LILRA2: variants seen among roughly 807,000 people sequenced by gnomAD.
The protein encoded by LILRA2 is leukocyte immunoglobulin like receptor A2.
LILRA2 carries 45 observed loss-of-function variants against 47.9 expected under a neutral mutation model. The observed-to-expected ratio is 0.94, with a 90% CI of 0.74 to 1.20. The LOEUF is 1.20. Among genes scored for constraint, LILRA2 ranks in the 50% most tolerant of loss-of-function variants. LILRA2 has a pLI of 0.00. For missense variants in LILRA2, 651 were observed against 598.2 expected, an observed-to-expected ratio of 1.09 and a Z score of -0.92; for synonymous variants, 279 against 249.2, an observed-to-expected ratio of 1.12 and a Z score of -1.13.
chr19:54,587,389 A>G lies in LILRA2; in HGVS notation c.*43A>G. 2 of 1,613,222 alleles carry G rather than the reference A, an allele frequency of 1.2e-6. No individual in the cohort carries two copies. Among genetic ancestry groups the G allele is most frequent in the South Asian group, 2.2e-5 (2 of 90,956 alleles). Reference sequence around the variant, plus strand: ...GCATCCTTCAGCGTGGTGGAGCCTCAGGGACAGATCTGATGATCCCAGGAG... The same window carrying G: ...GCATCCTTCAGCGTGGTGGAGCCTCGGGGACAGATCTGATGATCCCAGGAG... On this transcript the variant is annotated 3_prime_UTR_variant, in exon 8 of 8. Transcript: ENST00000391738.
At chr19:54,582,487 T>C (rs578234159) in intron 6 of LILRA2, among the ~76,000 whole-genome samples, 3 of 152,326 alleles carry the variant, frequency 2.0e-5, no homozygotes, top group African/African-American at 7.2e-5. Context: ...TTCAACTTCT[T>C]TCTGGTTTAG....
At chr19:54,577,616 T>C in intron 6 of LILRA2, 70 of 1,289,672 alleles carry the variant, frequency 5.4e-5, no homozygotes, top group Non-Finnish European at 7.1e-5. Context: ...GCACCCCAGC[T>C]GTGGGTGCCG....
chr19:54,573,957 T>C (rs1487127231), intron 1 of LILRA2, 45 bp downstream of exon 1: 2 of 1,613,160 alleles, frequency 1.2e-6, no homozygotes, highest in South Asian at 2.2e-5. Flanking sequence ...AGGAGGGACC[T>C]CACCCCACAG....
chr19:54,573,224 T>C (rs2062197300), upstream of LILRA2: 1 of 463,378 alleles, frequency 2.2e-6, no homozygotes, highest in Non-Finnish European at 4.0e-6. Flanking sequence ...GCCTCTAGCC[T>C]TCACCCACCT....
intron 6 of LILRA2, among the ~76,000 whole-genome samples, chr19:54,582,173 T>G (rs2062659965): frequency 6.6e-6 from 1 of 152,224 alleles, no homozygotes; most frequent in African/African-American, 2.4e-5. Context: ...TGGATTTGGT[T>G]TGCCAGTATT....
chr19:54,579,315 C>G (rs2062572886), intron 6 of LILRA2, among the ~76,000 whole-genome samples: 3 of 152,180 alleles, frequency 2.0e-5, no homozygotes, highest in Admixed American at 6.5e-5. Flanking sequence ...CCAGTTTCAG[C>G]TTTCTACATG....
At chr19:54,584,154 T>C (rs559605305) in intron 6 of LILRA2, among the ~76,000 whole-genome samples, 7 of 152,358 alleles carry the variant, frequency 4.6e-5, no homozygotes, top group African/African-American at 1.7e-4. Flanking sequence ...GTTAGTCTGA[T>C]GGGCTTTTCT....
At chr19:54,578,891 G>A (rs2062557823) in intron 6 of LILRA2, among the ~76,000 whole-genome samples, 1 of 151,924 alleles carries the variant, frequency 6.6e-6, no homozygotes, top group Admixed American at 6.6e-5. Flanking sequence ...AAGCATTTTT[G>A]CATATGTCTG....
chr19:54,574,666 C>G, intron 3 of LILRA2, 65 bp from the exon 4 acceptor site: 1 of 1,600,662 alleles, frequency 6.2e-7, no homozygotes, highest in East Asian at 2.2e-5. Context: ...GCTCTCACAG[C>G]TCAACCCTGG....
chr19:54,578,108 A>G (rs2062529531), intron 6 of LILRA2, among the ~76,000 whole-genome samples: 1 of 149,808 alleles, frequency 6.7e-6, no homozygotes, highest in Non-Finnish European at 1.5e-5. Context: ...TAAGTGAGGT[A>G]TTTGATTTCT....
In LILRA2 at chr19:54,575,935, G is replaced by T; in HGVS notation, c.1081G>T (p.Gly361Cys). Reference protein sequence around the residue: ...HTFLLTKEGAGHPPLHLRSEH... With the variant: ...HTFLLTKEGACHPPLHLRSEH... Reference sequence around the variant, plus strand: ...TTTCCTTCTGACCAAGGAGGGGGCAGGCCATCCCCCACTGCATCTGAGATC... The same window carrying T: ...TTTCCTTCTGACCAAGGAGGGGGCATGCCATCCCCCACTGCATCTGAGATC... The change falls in exon 6 of 8, where the codon GGC (glycine) becomes TGC (cysteine). Residue 361 changes from glycine to cysteine, a missense_variant. Coordinates refer to ENST00000391738, the MANE Select transcript of LILRA2 (RefSeq NM_001130917.3). The T allele has an allele frequency of 6.2e-7, 1 of 1,612,198 alleles. No homozygotes were observed. The highest frequency in any genetic ancestry group is 8.5e-7 in the Non-Finnish European group (1 of 1,179,174).
chr19:54,583,635 T>A (rs192604380), intron 6 of LILRA2, among the ~76,000 whole-genome samples: 13 of 152,200 alleles, frequency 8.5e-5, no homozygotes, highest in African/African-American at 3.1e-4. Flanking sequence ...TAGATCTTCC[T>A]CCATACCTTT....
chr19:54,574,648 G>T (rs1416310768), intron 3 of LILRA2, 66 bp downstream of exon 3: 2 of 1,601,014 alleles, frequency 1.2e-6, no homozygotes, highest in Non-Finnish European at 1.7e-6. Flanking sequence ...GCTCTCAGGG[G>T]CATCTCCGCT....
chr19:54,576,185 A>AT lies in LILRA2; in HGVS notation c.1255+77dup, dbSNP rs2062425211. The AT allele has an allele frequency of 3.8e-6, 6 of 1,595,956 alleles. No individual in the cohort carries two copies. The East Asian group carries it at 1.3e-4, about 36-fold the overall frequency. On this transcript the variant is annotated intron_variant, in intron 6 of 7. Transcript: ENST00000391738. ...CTGCCCCCAGCAGAGCTCTGGGACA[A>AT]TAATGAATGAGGGGAGTGAAGCGGG...
Position 54,574,401 on chromosome 19 carries a change from G to T in LILRA2, c.171G>T (p.Glu57Asp). The T allele has an allele frequency of 6.2e-7, 1 of 1,614,156 alleles. No homozygotes were observed. Among genetic ancestry groups the T allele is most frequent in the East Asian group, 2.2e-5 (1 of 44,886 alleles). ...GTCAGGGGAGCCTTCAGGCTGAGGA[G>T]TACCATCTATATAGGGAAAACAAAT... ...LRCQGSLQAE[E>D]YHLYRENKSA... Residue 57 changes from glutamate (E) to aspartate (D), a missense_variant, in exon 3 of 8, where the codon GAG (glutamate) becomes GAT (aspartate). By Grantham distance (45) the Glu-to-Asp change is conservative. Coordinates refer to ENST00000391738, the MANE Select transcript of LILRA2 (RefSeq NM_001130917.3).
intron 6 of LILRA2, among the ~76,000 whole-genome samples, chr19:54,576,817 G>A (rs111926561): frequency 3.6e-3 from 554 of 152,248 alleles, no homozygotes; most frequent in African/African-American, 0.012. Flanking sequence ...CCGGGGAGGT[G>A]GGGCTGGGTC....
chr19:54,576,197 G>C, intron 6 of LILRA2, 88 bp downstream of exon 6: 1 of 1,586,986 alleles, frequency 6.3e-7, no homozygotes, highest in Non-Finnish European at 8.6e-7. Flanking sequence ...AATGAATGAG[G>C]GGAGTGAAGC....
rs182444712 is a variant in LILRA2, at chr19:54,577,134, C to T, written c.1255+1025C>T. Among the ~76,000 whole-genome samples, 139 of 151,830 alleles carry T rather than the reference C, an allele frequency of 9.2e-4. No homozygotes were observed. In the South Asian group the frequency reaches 0.019, roughly 21 times the overall value. Reference sequence around the variant, plus strand: ...CTCCTGGAATCTCAGCTTAGTAAGACAAAGACACAATATTTTGGAAAAAAC... The same window carrying T: ...CTCCTGGAATCTCAGCTTAGTAAGATAAAGACACAATATTTTGGAAAAAAC... On this transcript the variant is annotated intron_variant, in intron 6 of 7. Transcript: ENST00000391738.
At position 54,574,527 on chromosome 19, in the gene LILRA2, C is replaced by T. The variant is rs2145959321; in HGVS notation, c.297C>T (p.Tyr99=). Residue 99 remains tyrosine, a synonymous_variant, in exon 3 of 8, where the codon TAC becomes TAT. Coordinates refer to ENST00000391738, the MANE Select transcript of LILRA2 (RefSeq NM_001130917.3). ...WEHAGRYHCQ[Y]YSHNHSSEYS... ...ACGCAGGGCGGTATCACTGTCAGTA[C>T]TACAGCCACAATCACTCATCAGAGT... The T allele has an allele frequency of 3.8e-6, 6 of 1,562,302 alleles. No homozygotes were observed. Among genetic ancestry groups the T allele is most frequent in the East Asian group, 2.2e-5 (1 of 44,754 alleles).
Sources: allele counts gnomAD v4.1 joint callset (sites outside exome capture counted in the v4.1 genomes callset), GRCh38; gene constraint gnomAD v4.1.1; transcripts MANE v1.5; gene names NCBI Gene and HGNC (gene_info 2026-07-23, HGNC 2026-07-21).